Variants in PATJ observed in about 807,000 individuals in gnomAD.
PATJ encodes PATJ crumbs cell polarity complex component.
In PATJ, 190 loss-of-function variants were observed where a neutral mutation model predicts 224.9. The observed-to-expected ratio is 0.84, with a 90% confidence interval of 0.75 to 0.95. The LOEUF (loss-of-function observed/expected upper bound fraction) is 0.95. Ranked by LOEUF, PATJ falls within the 40% of genes least tolerant of loss-of-function variation. The pLI, the probability that PATJ is intolerant of heterozygous loss-of-function variation, is 0.00. For missense variants in PATJ, 2,121 were observed against 2,270.3 expected, an observed-to-expected ratio of 0.93 and a Z score of 1.34; for synonymous variants, 769 against 820.3, an observed-to-expected ratio of 0.94 and a Z score of 1.07.
intron 33 of PATJ, among the ~76,000 whole-genome samples, chr1:62,103,065 C>T (rs1662421300): frequency 6.6e-6 from 1 of 152,042 alleles, no homozygotes; most frequent in African/African-American, 2.4e-5. Flanking sequence ...TTTGTTCACT[C>T]TCTGTAAAAT....
rs188322785 is a variant in PATJ, at chr1:61,967,189, T to C, written c.3671-22979T>C. Among the ~76,000 whole-genome samples, 5 of 152,292 alleles carry C rather than the reference T, an allele frequency of 3.3e-5. No homozygotes were observed. In the East Asian group the frequency reaches 9.6e-4, roughly 29 times the overall value. ...TGGAGAGGATTAAAAATATTCAGTT[T>C]CTCATTCTTTGTAAGATTAATACTT... is the stretch of plus-strand genomic sequence containing the variant. On this transcript the variant is annotated intron_variant, in intron 27 of 43. Transcript: ENST00000642238.
intron 10 of PATJ, among the ~76,000 whole-genome samples, chr1:61,796,682 C>CTTTCTTTCTTTCTT: frequency 4.9e-5 from 1 of 20,616 alleles, no homozygotes. Context: ...TTCTTTCTTT[C>CTTTCTTTCTTTCTT]TTTCTTTCTT....
Position 62,114,263 on chromosome 1 carries a change from G to A in PATJ, c.4655+17G>A, listed in dbSNP as rs1300385026. 2 of 1,611,464 alleles carry A rather than the reference G, an allele frequency of 1.2e-6. No homozygotes were observed. The highest frequency in any genetic ancestry group is 2.7e-5 in the African/African-American group (2 of 74,962). On this transcript the variant is annotated intron_variant, in intron 35 of 43. Transcript: ENST00000642238. ...TGGGAAACGGTAAAGACGTGCTGTG[G>A]GAGTTGGGATCTGCCTTTTTCATCC...
At chr1:61,892,371 G>T (rs914798167) in intron 22 of PATJ, among the ~76,000 whole-genome samples, 3 of 152,104 alleles carry the variant, frequency 2.0e-5, no homozygotes, top group African/African-American at 7.2e-5. Context: ...TACTGAAGAG[G>T]AAAGGTCACC....
At chr1:62,111,933 TACAGGCATG>T (rs1164920528) in intron 34 of PATJ, among the ~76,000 whole-genome samples, 3 of 151,732 alleles carry the variant, frequency 2.0e-5, no homozygotes, top group African/African-American at 7.3e-5. Flanking sequence ...GTGCTGGGAT[TACAGGCATG>T]AGCCACCGCG....
chr1:61,751,791 A>C (rs1312021969), intron 1 of PATJ, among the ~76,000 whole-genome samples: 1 of 151,862 alleles, frequency 6.6e-6, no homozygotes, highest in Admixed American at 6.6e-5. Context: ...GCACCACTGC[A>C]CTCCAGCATG....
At chr1:61,940,940 C>T (rs766896297) in intron 27 of PATJ, among the ~76,000 whole-genome samples, 8 of 152,122 alleles carry the variant, frequency 5.3e-5, no homozygotes, top group Non-Finnish European at 1.2e-4. Flanking sequence ...TCACTTTCAA[C>T]TGAGATCACT....
chr1:62,077,190 A>T (rs777072865), intron 31 of PATJ, among the ~76,000 whole-genome samples: 9 of 152,222 alleles, frequency 5.9e-5, no homozygotes, highest in Non-Finnish European at 1.2e-4. Context: ...ACTTCTGTTT[A>T]CATCCCATTG....
Position 61,821,682 on chromosome 1 carries a change from C to A in PATJ, c.1684-1263C>A, listed in dbSNP as rs190824772. On this transcript the variant is annotated intron_variant, in intron 14 of 43. Coordinates refer to ENST00000642238, the MANE Select transcript of PATJ (RefSeq NM_001350145.3). ...GGAAGAGAGCCACATGGTAGATGCA[C>A]TGCCACCCTGTGTAGGGTTTTCTCC... is the stretch of plus-strand genomic sequence containing the variant. Among the ~76,000 whole-genome samples the A allele has an allele frequency of 3.9e-5, 6 of 152,348 alleles. No individual in the cohort carries two copies. In the East Asian group the frequency reaches 9.7e-4, roughly 25 times the overall value.
chr1:61,983,842 A>G (rs12059478), intron 27 of PATJ, among the ~76,000 whole-genome samples: 25,040 of 151,862 alleles, frequency 0.16, 2,353 homozygotes, highest in Non-Finnish European at 0.21. Context: ...GGACAAAACT[A>G]GAGACAGGGT....
At chr1:61,773,981 G>C (rs1371859102) in intron 6 of PATJ, among the ~76,000 whole-genome samples, 3 of 151,652 alleles carry the variant, frequency 2.0e-5, no homozygotes, top group Admixed American at 2.0e-4. Flanking sequence ...TTAGCCGGGC[G>C]TGGTGGCAGG....
intron 42 of PATJ, among the ~76,000 whole-genome samples, chr1:62,150,246 G>A (rs1668483966): frequency 6.6e-6 from 1 of 152,136 alleles, no homozygotes; most frequent in South Asian, 2.1e-4. Flanking sequence ...GATATTTATT[G>A]AGCACCATTC....
Position 62,153,467 on chromosome 1 carries a change from A to G in PATJ, c.5488A>G (p.Thr1830Ala). 8.1e-7 allele frequency: 1 copy of G among 1,231,546 alleles called. No individual in the cohort carries two copies. Among genetic ancestry groups the G allele is most frequent in the East Asian group, 3.2e-5 (1 of 31,688 alleles). The allele number at this position is 1,231,546 out of a possible 1,614,324, so 76.3% of individuals were successfully genotyped here. A position where few individuals can be genotyped will look rare whatever the true frequency, so the allele number is the denominator to read the frequency against. ...TGGAGACCTGCCAATTTATGTCAAGACTGTATTTGCAAAGGTATATCTTCT... is the reference window on the plus strand; with the variant it reads ...TGGAGACCTGCCAATTTATGTCAAGGCTGTATTTGCAAAGGTATATCTTCT... ...PHGDLPIYVKTVFAKGAAADD... is the reference protein window; with the variant it reads ...PHGDLPIYVKAVFAKGAAADD... Residue 1830 changes from threonine to alanine, a missense_variant, in exon 43 of 44, where the codon ACT (threonine) becomes GCT (alanine). Coordinates refer to ENST00000642238, the MANE Select transcript of PATJ (RefSeq NM_001350145.3).
chr1:61,968,806 A>C (rs1682539021), intron 27 of PATJ, among the ~76,000 whole-genome samples: 1 of 152,000 alleles, frequency 6.6e-6, no homozygotes, highest in African/African-American at 2.4e-5. Context: ...GAGAACATGC[A>C]ATGCCCAAAC....
chr1:62,151,321 G>A (rs1020895919), intron 42 of PATJ, among the ~76,000 whole-genome samples: 13 of 152,038 alleles, frequency 8.6e-5, no homozygotes, highest in African/African-American at 1.2e-4. Flanking sequence ...CCAGGCGGTG[G>A]CTCACGCCTG....
intron 41 of PATJ, among the ~76,000 whole-genome samples, chr1:62,139,736 G>A (rs911141219): frequency 6.6e-6 from 1 of 151,856 alleles, no homozygotes; most frequent in Non-Finnish European, 1.5e-5. Context: ...TCTTAGAGCT[G>A]TAAAGTCTAA....
intron 18 of PATJ, among the ~76,000 whole-genome samples, chr1:61,860,370 T>G (rs1301124727): frequency 1.3e-5 from 2 of 152,080 alleles, no homozygotes; most frequent in Non-Finnish European, 2.9e-5. Flanking sequence ...CTGAAATGAC[T>G]TTAAAAACTG....
At chr1:61,881,117 A>G (rs1428061578) in intron 21 of PATJ, among the ~76,000 whole-genome samples, 2 of 152,128 alleles carry the variant, frequency 1.3e-5, no homozygotes, top group Non-Finnish European at 2.9e-5. Flanking sequence ...AATAAAATCT[A>G]TCTACAAGGT....
At chr1:61,869,475 A>G (rs892133872) in intron 20 of PATJ, among the ~76,000 whole-genome samples, 1 of 151,974 alleles carries the variant, frequency 6.6e-6, no homozygotes, top group Admixed American at 6.6e-5. Flanking sequence ...CTTACTCTCA[A>G]TCTTCCTGGG....
Sources: gnomAD v4.1 joint callset for allele counts (sites outside exome capture counted in the v4.1 genomes callset) on GRCh38, gnomAD v4.1.1 for gene constraint, MANE v1.5 for transcripts, NCBI Gene and HGNC (gene_info 2026-07-23, HGNC 2026-07-21) for gene names.